PDE1A: variants seen among roughly 807,000 people sequenced by gnomAD.
PDE1A encodes phosphodiesterase 1A.
PDE1A carries 35 observed loss-of-function variants against 61.7 expected under a neutral mutation model. The observed-to-expected ratio is 0.57, with a 90% confidence interval of 0.43 to 0.75. The LOEUF is 0.75. Among genes scored for constraint, PDE1A ranks in the 30% least tolerant of loss-of-function variants. PDE1A has a pLI of 0.00. For missense variants in PDE1A, 597 were observed against 630.6 expected (o/e 0.95, Z 0.57); for synonymous variants, 232 against 213.2 (o/e 1.09, Z -0.77).
At chr2:182,231,227 T>C in intron 4 of PDE1A, 96 bp from the exon 5 acceptor site, 1 of 703,006 alleles carries the variant, frequency 1.4e-6, no homozygotes, top group Middle Eastern at 3.3e-4. Context: ...TAGCAGGTCA[T>C]CTTTCAATTT....
chr2:182,384,444 A>C (rs1700908372), intron 1 of PDE1A, among the ~76,000 whole-genome samples: 1 of 139,718 alleles, frequency 7.2e-6, no homozygotes, highest in Non-Finnish European at 1.5e-5. Flanking sequence ...AAAAAGCAAA[A>C]TTTAATAAAG....
At chr2:182,376,697 G>T (rs541417883) in intron 1 of PDE1A, among the ~76,000 whole-genome samples, 1 of 152,238 alleles carries the variant, frequency 6.6e-6, no homozygotes, top group East Asian at 1.9e-4. Context: ...CCAATTTACT[G>T]TATTAGTCCA....
chr2:182,348,191 AAT>A (rs1698636521), intron 1 of PDE1A, among the ~76,000 whole-genome samples: 1 of 152,188 alleles, frequency 6.6e-6, no homozygotes, highest in Non-Finnish European at 1.5e-5. Flanking sequence ...GCTTTATGTT[AAT>A]AGTCTTTAAT....
At chr2:182,169,934 ACACACTCT>A (rs1692019107) in intron 13 of PDE1A, among the ~76,000 whole-genome samples, 2 of 123,036 alleles carry the variant, frequency 1.6e-5, no homozygotes, top group East Asian at 2.6e-4. Context: ...ACACACACAC[ACACACTCT>A]CCCTCTCTCT....
chr2:182,341,506 A>G (rs1698182941), intron 1 of PDE1A, among the ~76,000 whole-genome samples: 1 of 152,164 alleles, frequency 6.6e-6, no homozygotes, highest in Non-Finnish European at 1.5e-5. Context: ...TCTACCTCAT[A>G]GTTCCCTTCC....
chr2:182,497,554 T>C (rs1021057244), intron 2 of PDE1A, among the ~76,000 whole-genome samples: 2 of 152,222 alleles, frequency 1.3e-5, no homozygotes, highest in Non-Finnish European at 1.5e-5. Flanking sequence ...GTTAAACTTC[T>C]ATTCTTAATA....
the PDE1A span, among the ~76,000 whole-genome samples, chr2:182,666,918 G>A: frequency 6.6e-6 from 1 of 152,118 alleles, no homozygotes; most frequent in Admixed American, 6.5e-5. Context: ...ACACAGTCAC[G>A]GTCTAGGTAC....
At chr2:182,399,890 T>C (rs1469720124) in intron 1 of PDE1A, among the ~76,000 whole-genome samples, 2 of 152,102 alleles carry the variant, frequency 1.3e-5, no homozygotes, top group East Asian at 1.9e-4. Flanking sequence ...AATCAAGAGA[T>C]GGTCCTAGAT....
chr2:182,531,786 G>A, the PDE1A span, among the ~76,000 whole-genome samples: 3 of 152,068 alleles, frequency 2.0e-5, no homozygotes, highest in African/African-American at 7.2e-5. Context: ...GTGCCATATT[G>A]GTTTGCTGCA....
the PDE1A span, among the ~76,000 whole-genome samples, chr2:182,563,929 A>G: frequency 6.6e-6 from 1 of 151,668 alleles, no homozygotes; most frequent in Non-Finnish European, 1.5e-5. Flanking sequence ...CCCTCCTTTT[A>G]TTTTGAGCCT....
At chr2:182,154,951 GA>G (rs1245981739) in intron 13 of PDE1A, among the ~76,000 whole-genome samples, 2 of 148,256 alleles carry the variant, frequency 1.3e-5, no homozygotes, top group East Asian at 2.0e-4. Context: ...AAGAATGTCA[GA>G]AAAAAACAAG....
the PDE1A span, among the ~76,000 whole-genome samples, chr2:182,543,548 T>C: frequency 4.6e-3 from 695 of 152,288 alleles, 4 homozygotes; most frequent in African/African-American, 0.015. Context: ...TGGGTAACAG[T>C]GTTTTGGTGG....
chr2:182,646,781 T>C, the PDE1A span, among the ~76,000 whole-genome samples: 1 of 151,930 alleles, frequency 6.6e-6, no homozygotes, highest in Non-Finnish European at 1.5e-5. Flanking sequence ...GTAATATTGC[T>C]GAAGAAATTA....
At chr2:182,553,020 G>A in the PDE1A span, among the ~76,000 whole-genome samples, 1 of 152,302 alleles carries the variant, frequency 6.6e-6, no homozygotes, top group Non-Finnish European at 1.5e-5. Context: ...CTCCTGATCT[G>A]GGCTAAAGGC....
intron 1 of PDE1A, among the ~76,000 whole-genome samples, chr2:182,335,311 C>T (rs1697722568): frequency 6.6e-6 from 1 of 152,228 alleles, no homozygotes; most frequent in South Asian, 2.1e-4. Flanking sequence ...ACAGCCAAGA[C>T]AATCCTAAGC....
At chr2:182,431,635 T>A (rs1040978637), upstream of PDE1A, among the ~76,000 whole-genome samples, 2 of 152,144 alleles carry the variant, frequency 1.3e-5, no homozygotes, top group African/African-American at 4.8e-5. Flanking sequence ...TCATTCTTTA[T>A]AACACATTTC....
chr2:182,376,287 C>T (rs1700400004), intron 1 of PDE1A, among the ~76,000 whole-genome samples: 1 of 152,184 alleles, frequency 6.6e-6, no homozygotes, highest in Non-Finnish European at 1.5e-5. Flanking sequence ...CCTTTAACAG[C>T]ACCCAAGTCA....
chr2:182,715,000 T>A, the PDE1A span, among the ~76,000 whole-genome samples: 1 of 152,192 alleles, frequency 6.6e-6, no homozygotes, highest in Non-Finnish European at 1.5e-5. Flanking sequence ...AGCTTCCTCA[T>A]CACCTAAGAG....
intron 1 of PDE1A, among the ~76,000 whole-genome samples, chr2:182,313,449 A>T (rs1436878675): frequency 6.6e-6 from 1 of 152,130 alleles, no homozygotes; most frequent in African/African-American, 2.4e-5. Flanking sequence ...CTTTCTACAT[A>T]GGCAATCAGA....
Sources: gnomAD v4.1 joint callset for allele counts (sites outside exome capture counted in the v4.1 genomes callset) on GRCh38, gnomAD v4.1.1 for gene constraint, MANE v1.5 for transcripts, NCBI Gene and HGNC (gene_info 2026-07-23, HGNC 2026-07-21) for gene names.